Variants in NUP133 observed in about 807,000 individuals in gnomAD.
NUP133 encodes nucleoporin 133, also known as nuclear pore complex protein Nup133.
NUP133 carries 66 observed loss-of-function variants against 146.2 expected under a neutral mutation model. The ratio of observed to expected loss-of-function variants is 0.45; its 90% CI spans 0.37 to 0.55. The LOEUF is 0.55. Ranked by LOEUF, NUP133 falls within the 20% of genes least tolerant of loss-of-function variation. The pLI is 0.00. For synonymous variants in NUP133, 521 were observed against 498.8 expected, an observed-to-expected ratio of 1.04 and a Z score of -0.59; for missense variants, 1,277 against 1,374.8, an observed-to-expected ratio of 0.93 and a Z score of 1.12.
intron 14 of NUP133, among the ~76,000 whole-genome samples, chr1:229,474,341 G>A (rs1176320028): frequency 6.6e-6 from 1 of 152,078 alleles, no homozygotes; most frequent in African/African-American, 2.4e-5. Context: ...TGATACACTT[G>A]GCTAATTAAA....
intron 14 of NUP133, among the ~76,000 whole-genome samples, chr1:229,471,725 C>A (rs979339504): frequency 6.6e-6 from 1 of 152,076 alleles, no homozygotes; most frequent in Non-Finnish European, 1.5e-5. Flanking sequence ...AAGTATAATT[C>A]TCTTTCGTTA....
chr1:229,475,622 C>A lies in NUP133; in HGVS notation c.1851+16G>T. 1 of 1,589,706 alleles carries A rather than the reference C, an allele frequency of 6.3e-7. No homozygotes were observed. The highest frequency in any genetic ancestry group is 2.2e-5 in the East Asian group (1 of 44,760). On this transcript the variant is annotated intron_variant, in intron 14 of 25. Coordinates refer to ENST00000261396, the MANE Select transcript of NUP133 (RefSeq NM_018230.3). Reference sequence around the variant, plus strand: ...GCCAAAGGCAGAGCCCTGTGCCCAGCACCCTGCGCTCTTACTTGATGAATA... The same window carrying A: ...GCCAAAGGCAGAGCCCTGTGCCCAGAACCCTGCGCTCTTACTTGATGAATA...
intron 19 of NUP133, 34 bp from the exon 20 acceptor site, chr1:229,460,803 T>C (rs773201846): frequency 6.4e-6 from 10 of 1,557,492 alleles, no homozygotes; most frequent in Admixed American, 3.9e-5. Context: ...TCATTCATAA[T>C]AGTTTAAAAA....
At chr1:229,493,343 A>G (rs893657628) in intron 8 of NUP133, among the ~76,000 whole-genome samples, 3 of 152,018 alleles carry the variant, frequency 2.0e-5, no homozygotes, top group African/African-American at 7.2e-5. Flanking sequence ...CGCCCAGCTA[A>G]TTTTTTATTT....
intron 8 of NUP133, 32 bp from the exon 9 acceptor site, chr1:229,490,134 C>A: frequency 6.8e-7 from 1 of 1,468,268 alleles, no homozygotes; most frequent in Non-Finnish European, 9.1e-7. Flanking sequence ...TGTAAAGCCT[C>A]TCTAAAAAAC....
At chr1:229,484,907 A>G (rs916818098) in intron 11 of NUP133, among the ~76,000 whole-genome samples, 3 of 152,196 alleles carry the variant, frequency 2.0e-5, no homozygotes, top group Non-Finnish European at 4.4e-5. Flanking sequence ...CCTTTTGTGA[A>G]AAGAAAAAAA....
chr1:229,477,529 G>A (rs1661107021), intron 13 of NUP133, 68 bp downstream of exon 13: 1 of 1,235,516 alleles, frequency 8.1e-7, no homozygotes, highest in Admixed American at 2.5e-5. Flanking sequence ...TATGCTTTAA[G>A]AGATGCTTCT....
At chr1:229,499,225 A>G (rs931857851) in intron 5 of NUP133, 1 of 471,128 alleles carries the variant, frequency 2.1e-6, no homozygotes, top group Admixed American at 2.3e-5. Flanking sequence ...GTGAACCTAC[A>G]AAGAAGATAA....
In NUP133 at chr1:229,441,929, T is replaced by G. The variant is rs761759337; in HGVS notation, c.3446A>C (p.Glu1149Ala). 4.4e-6 allele frequency: 7 copies of G among 1,580,460 alleles called. No individual in the cohort carries two copies. Among genetic ancestry groups the G allele is most frequent in the Non-Finnish European group, 6.0e-6 (7 of 1,170,544 alleles). ...YFEFVLKANY[E>A]YYVQGQI is the part of the protein sequence containing the mutation. ...TTATATTTGTCCCTGAACATAATAT[T>G]CATAATTTGCTTTCAAAACAAACTC... The change falls in exon 26 of 26, where the codon GAA becomes GCA. Residue 1149 changes from glutamate to alanine, a missense_variant. By Grantham distance (107) the Glu-to-Ala change is moderately radical. Around this residue, in one of 3 missense-constraint regions of NUP133, gnomAD observed 952 missense variants for 1,047.0 expected, o/e 0.91. Coordinates refer to ENST00000261396, the MANE Select transcript of NUP133 (RefSeq NM_018230.3).
At chr1:229,494,548 T>C (rs532500290) in intron 8 of NUP133, among the ~76,000 whole-genome samples, 29 of 152,336 alleles carry the variant, frequency 1.9e-4, no homozygotes, top group Non-Finnish European at 4.0e-4. Context: ...TTGGATTCAC[T>C]ATGAGCAATG....
intron 15 of NUP133, among the ~76,000 whole-genome samples, chr1:229,468,160 C>A (rs772206579): frequency 6.1e-4 from 93 of 152,146 alleles, no homozygotes; most frequent in Non-Finnish European, 1.2e-3. Context: ...GTGGAGAGCG[C>A]ACCCTCAGGC....
chr1:229,484,875 T>C (rs1265567991), intron 11 of NUP133, among the ~76,000 whole-genome samples: 2 of 152,012 alleles, frequency 1.3e-5, no homozygotes, highest in Admixed American at 6.6e-5. Flanking sequence ...AATTACAAAA[T>C]ACAAAATGCA....
chr1:229,479,481 T>C (rs537891889), intron 12 of NUP133, among the ~76,000 whole-genome samples: 3 of 152,212 alleles, frequency 2.0e-5, no homozygotes, highest in Non-Finnish European at 4.4e-5. Context: ...CGTATATATA[T>C]GATTCAGTAC....
intron 24 of NUP133, among the ~76,000 whole-genome samples, chr1:229,447,205 T>C (rs1660321147): frequency 6.6e-6 from 1 of 152,242 alleles, no homozygotes; most frequent in Non-Finnish European, 1.5e-5. Flanking sequence ...AGTGATTTAT[T>C]ATATGAGTGG....
At chr1:229,503,878 C>T (rs1661867947) in intron 2 of NUP133, among the ~76,000 whole-genome samples, 1 of 152,062 alleles carries the variant, frequency 6.6e-6, no homozygotes, top group Admixed American at 6.5e-5. Context: ...AGATTTGGGG[C>T]TGTGTTATTT....
At position 229,495,544 on chromosome 1, in the gene NUP133, C is replaced by T. The variant is rs1478539242; in HGVS notation, c.997G>A (p.Ala333Thr). The change falls in exon 8 of 26, where the codon GCT becomes ACT. Residue 333 changes from alanine to threonine, a missense_variant. Ala to Thr is a moderately conservative substitution (Grantham distance 58). Coordinates refer to ENST00000261396, the MANE Select transcript of NUP133 (RefSeq NM_018230.3). Reference sequence around the variant, plus strand: ...CGAATGTTGACTCCTTCTTTAATAGCTTCATAGTTACTTTCAGATCCCTAC... The same window carrying T: ...CGAATGTTGACTCCTTCTTTAATAGTTTCATAGTTACTTTCAGATCCCTAC... ...AIWGSESNYE[A>T]IKEGVNIRYL... The T allele has an allele frequency of 6.2e-6, 10 of 1,610,026 alleles. No homozygotes were observed. The African/African-American group carries it at 1.3e-4, about 22-fold the overall frequency.
chr1:229,504,193 T>C (rs1420009366), intron 2 of NUP133, among the ~76,000 whole-genome samples: 1 of 152,118 alleles, frequency 6.6e-6, no homozygotes, highest in Non-Finnish European at 1.5e-5. Flanking sequence ...TTATTCACAG[T>C]ATAATACATT....
At chr1:229,445,137 T>C (rs1052899991) in intron 24 of NUP133, 135 bp from the exon 25 acceptor site, 1 of 659,010 alleles carries the variant, frequency 1.5e-6, no homozygotes, top group Non-Finnish European at 2.6e-6. Context: ...CTGTTTCAAA[T>C]CATTTAAATA....
At chr1:229,464,454 T>C (rs1660767376) in intron 18 of NUP133, among the ~76,000 whole-genome samples, 170 bp downstream of exon 18, 2 of 152,210 alleles carry the variant, frequency 1.3e-5, no homozygotes, top group South Asian at 4.1e-4. Context: ...TATACCTAGA[T>C]AGTACTGGAA....
Sources: allele counts gnomAD v4.1 joint callset (sites outside exome capture counted in the v4.1 genomes callset), GRCh38; gene constraint gnomAD v4.1.1; regional missense constraint gnomAD v4.1.1; transcripts MANE v1.5; gene names NCBI Gene and HGNC (gene_info 2026-07-23, HGNC 2026-07-21).